Variants in C8orf76 observed in about 807,000 individuals in gnomAD.
The protein encoded by C8orf76 is chromosome 8 open reading frame 76.
Under a neutral mutation model 38.1 loss-of-function variants are expected in C8orf76, and 46 were observed. The ratio of observed to expected loss-of-function variants is 1.21; its 90% CI spans 0.95 to 1.54. The LOEUF (loss-of-function observed/expected upper bound fraction) is 1.54, where lower values mean the gene tolerates loss of function less well. Among genes scored for constraint, C8orf76 ranks in the 40% most tolerant of loss-of-function variants. C8orf76 has a pLI of 0.00. For synonymous variants in C8orf76, 166 were observed against 167.5 expected (o/e 0.99, Z 0.07); for missense variants, 461 against 441.6 (o/e 1.04, Z -0.39).
chr8:123,220,415 C>T, intron 5 of C8orf76, 118 bp from the exon 6 acceptor site: 1 of 696,642 alleles, frequency 1.4e-6, no homozygotes, highest in Non-Finnish European at 2.3e-6. Context: ...AGCCAGGGGA[C>T]ATTCCCAACA....
chr8:123,239,206 A>G (rs1357224664), intron 1 of C8orf76, 62 bp from the exon 2 acceptor site: 11 of 1,534,632 alleles, frequency 7.2e-6, no homozygotes, highest in Non-Finnish European at 9.0e-6. Context: ...CATATTCAGA[A>G]GCAATTTCCC....
At chr8:123,228,100 A>G (rs1825111710) in intron 4 of C8orf76, among the ~76,000 whole-genome samples, 1 of 152,080 alleles carries the variant, frequency 6.6e-6, no homozygotes, top group Non-Finnish European at 1.5e-5. Flanking sequence ...TGCATCCTCG[A>G]GAGACTCTGC....
intron 4 of C8orf76, among the ~76,000 whole-genome samples, chr8:123,228,358 C>A (rs369912722): frequency 6.6e-6 from 1 of 152,164 alleles, no homozygotes; most frequent in African/African-American, 2.4e-5. Flanking sequence ...CGGTGGCTCA[C>A]GCCTGTAATC....
chr8:123,228,524 CAGG>C (rs535478942), intron 4 of C8orf76, among the ~76,000 whole-genome samples: 1 of 151,994 alleles, frequency 6.6e-6, no homozygotes, highest in Non-Finnish European at 1.5e-5. Flanking sequence ...GAGGCTGAGG[CAGG>C]AGAATTGCTT....
At chr8:123,239,231 T>A in intron 1 of C8orf76, 87 bp from the exon 2 acceptor site, 2 of 1,416,146 alleles carry the variant, frequency 1.4e-6, no homozygotes, top group Admixed American at 1.9e-5. Flanking sequence ...TATAATTGAT[T>A]AAACGTCAAA....
In C8orf76 at chr8:123,237,593, C is replaced by G. The variant is rs187159024; in HGVS notation, c.357+205G>C. ...GCAATACAGAATTTTGAGCATGACA[C>G]AAGAAAAATATTACAAGAAAATGAT... On this transcript the variant is annotated intron_variant, in intron 3 of 5. Transcript: ENST00000276704. Among the ~76,000 whole-genome samples the G allele has an allele frequency of 4.6e-3, 696 of 152,234 alleles. 4 individuals carry two copies. Among genetic ancestry groups the G allele is most frequent in the Non-Finnish European group, 5.7e-3 (386 of 68,022 alleles).
At chr8:123,237,646 T>C (rs948810911) in intron 3 of C8orf76, 152 bp downstream of exon 3, 66 of 1,129,980 alleles carry the variant, frequency 5.8e-5, no homozygotes, top group Non-Finnish European at 7.4e-5. Flanking sequence ...TTGTTCATCA[T>C]AATAAAACTC....
intron 1 of C8orf76, 149 bp from the exon 2 acceptor site, chr8:123,239,293 A>G: frequency 5.3e-6 from 4 of 761,902 alleles, no homozygotes; most frequent in Non-Finnish European, 8.1e-6. Context: ...CCTGAGCACA[A>G]GTGATCCTGC....
chr8:123,237,109 C>A, intron 3 of C8orf76: 1 of 994,796 alleles, frequency 1.0e-6, no homozygotes, highest in South Asian at 1.3e-5. Context: ...ACAACTACAA[C>A]AAGATGATCT....
rs1825264257 is a variant in C8orf76 at position 123,231,373 on chromosome 8, A to G, written c.742T>C (p.Cys248Arg). 13 of 1,614,042 alleles carry G rather than the reference A, an allele frequency of 8.1e-6. No homozygotes were observed. Among genetic ancestry groups the G allele is most frequent in the Non-Finnish European group, 1.1e-5 (13 of 1,180,040 alleles). ...NEKALTNIQN[C>R]MAEKRETVLI... ...ACTGTTTCTCTCTTTTCTGCCATAC[A>G]GTTTTGGATATTTGTCAGAGCTTTC... Residue 248 changes from cysteine to arginine, a missense_variant, in exon 4 of 6, where the codon TGT becomes CGT. Cys to Arg is a radical substitution (Grantham distance 180, BLOSUM62 -3). Transcript: ENST00000276704.
intron 4 of C8orf76, 125 bp downstream of exon 4, chr8:123,231,175 C>T (rs572680171): frequency 7.4e-6 from 9 of 1,217,176 alleles, no homozygotes; most frequent in Admixed American, 3.0e-5. Flanking sequence ...TCAACACAAC[C>T]ATAGGAAAAT....
intron 5 of C8orf76, 180 bp downstream of exon 5, chr8:123,226,320 G>A (rs1586800831): frequency 4.1e-6 from 6 of 1,450,930 alleles, no homozygotes; most frequent in African/African-American, 1.4e-5. Flanking sequence ...CCCGCACGCT[G>A]CAGGGGAATG....
chr8:123,226,781 C>G, intron 4 of C8orf76, 149 bp from the exon 5 acceptor site: 2 of 1,200,098 alleles, frequency 1.7e-6, no homozygotes, highest in Non-Finnish European at 2.2e-6. Context: ...CTCACTAGAA[C>G]TATCATTTCA....
At chr8:123,237,068 G>A in intron 3 of C8orf76, 3 of 1,204,632 alleles carry the variant, frequency 2.5e-6, no homozygotes, top group Middle Eastern at 2.5e-4. Context: ...TGGCATTACT[G>A]AGCCTTCCCT....
Position 123,226,607 on chromosome 8 carries a change from G to C in C8orf76, c.841C>G (p.Gln281Glu). 1 of 1,603,498 alleles carries C rather than the reference G, an allele frequency of 6.2e-7. No homozygotes were observed. Among genetic ancestry groups the C allele is most frequent in the Non-Finnish European group, 8.5e-7 (1 of 1,177,662 alleles). ...TRLLLQFTQP[Q>E]QTSFALERNL... ...CTCTCCAAAGCAAACGATGTTTGCT[G>C]AGGTTGGGTAAACTGAAGCAGAAGC... Residue 281 changes from glutamine to glutamate, a missense_variant, in exon 5 of 6, where the codon CAG becomes GAG. Physicochemically the swap from Gln to Glu is conservative, Grantham distance 29. Transcript: ENST00000276704.
At chr8:123,226,809 C>T (rs919938491) in intron 4 of C8orf76, among the ~76,000 whole-genome samples, 177 bp from the exon 5 acceptor site, 1 of 152,204 alleles carries the variant, frequency 6.6e-6, no homozygotes, top group Non-Finnish European at 1.5e-5. Flanking sequence ...AAGCTTCCGA[C>T]TTGGAATCAA....
At chr8:123,227,494 C>G (rs919611863) in intron 4 of C8orf76, among the ~76,000 whole-genome samples, 2 of 152,014 alleles carry the variant, frequency 1.3e-5, no homozygotes, top group African/African-American at 4.8e-5. Context: ...GAAAAAAACC[C>G]AAGACAGGGT....
chr8:123,226,402 G>T, intron 5 of C8orf76, 98 bp downstream of exon 5: 1 of 1,543,350 alleles, frequency 6.5e-7, no homozygotes. Flanking sequence ...AAGTCCTTCA[G>T]TAGATTAAAT....
chr8:123,233,476 T>C (rs1460266494), intron 3 of C8orf76, among the ~76,000 whole-genome samples: 1 of 151,218 alleles, frequency 6.6e-6, no homozygotes, highest in African/African-American at 2.4e-5. Flanking sequence ...CTCACTGCAA[T>C]CTCCACCTCC....
Sources: gnomAD v4.1 joint callset for allele counts (sites outside exome capture counted in the v4.1 genomes callset) on GRCh38, gnomAD v4.1.1 for gene constraint, MANE v1.5 for transcripts, NCBI Gene and HGNC (gene_info 2026-07-23, HGNC 2026-07-21) for gene names.